The following SPOP variants were observed in gnomAD, a reference collection of about 807,000 sequenced individuals.
SPOP encodes the protein speckle-type POZ protein.
Under a neutral mutation model 45.6 loss-of-function variants are expected in SPOP, and 11 were observed. The ratio of observed to expected loss-of-function variants is 0.24; its 90% confidence interval spans 0.15 to 0.40. The LOEUF (loss-of-function observed/expected upper bound fraction) is 0.40, where lower values mean the gene tolerates loss of function less well. SPOP is among the 10% of genes least tolerant of loss of function. The pLI is 1.00. For synonymous variants in SPOP, 166 were observed against 166.3 expected (o/e 1.00, Z 0.01); for missense variants, 152 against 465.6 (o/e 0.33, Z 6.20).
At chr17:49,647,653 G>A (rs1000779754) in intron 1 of SPOP, among the ~76,000 whole-genome samples, 1 of 152,058 alleles carries the variant, frequency 6.6e-6, no homozygotes, top group Non-Finnish European at 1.5e-5. Flanking sequence ...GATAATTTCT[G>A]TATTTTTAGC....
chr17:49,676,143 T>C (rs1455747718), intron 1 of SPOP: 5 of 152,170 alleles, frequency 3.3e-5, no homozygotes, highest in East Asian at 3.8e-4. Flanking sequence ...AGTATGGACA[T>C]AGGAAACAGT....
chr17:49,673,593 A>G (rs2073164697), intron 1 of SPOP, among the ~76,000 whole-genome samples: 1 of 152,198 alleles, frequency 6.6e-6, no homozygotes. Flanking sequence ...TAAGTGATGG[A>G]TATAAAGGTG....
chr17:49,628,343 T>C (rs569931603), intron 1 of SPOP, among the ~76,000 whole-genome samples: 3 of 152,356 alleles, frequency 2.0e-5, no homozygotes, highest in South Asian at 4.1e-4. Context: ...AAAATATCTC[T>C]GTCAACTGTA....
At chr17:49,664,046 C>T (rs781468502) in intron 1 of SPOP, among the ~76,000 whole-genome samples, 2 of 152,166 alleles carry the variant, frequency 1.3e-5, no homozygotes, top group Non-Finnish European at 2.9e-5. Flanking sequence ...GCATGATATT[C>T]TAAAATCACA....
Position 49,600,297 on chromosome 17 carries a change from C to T in SPOP, c.*81G>A, listed in dbSNP as rs562382565. 25 of 1,567,072 alleles carry T rather than the reference C, an allele frequency of 1.6e-5. No homozygotes were observed. In the African/African-American group the frequency reaches 1.8e-4, roughly 11 times the overall value. ...AACAGAGTAAAAGCTCCACAGATTG[C>T]GCTGTCTACCTGGTGGTCAGTGGCA... On this transcript the variant is annotated 3_prime_UTR_variant, in exon 10 of 10. Transcript: ENST00000504102. The surrounding 1 kb of genome is among the most constrained non-coding windows in gnomAD (Gnocchi z 4.2).
chr17:49,677,520 TC>T (rs1305913478), intron 1 of SPOP, among the ~76,000 whole-genome samples: 1 of 152,246 alleles, frequency 6.6e-6, no homozygotes, highest in East Asian at 1.9e-4. Context: ...GGACTCGTGC[TC>T]CACCGGCTCT....
At chr17:49,664,467 T>G (rs1222591396) in intron 1 of SPOP, among the ~76,000 whole-genome samples, 2 of 152,224 alleles carry the variant, frequency 1.3e-5, no homozygotes, top group Non-Finnish European at 1.5e-5. Flanking sequence ...GGTTTATTAT[T>G]TTATAGTAAT....
At chr17:49,629,304 A>T in intron 1 of SPOP, among the ~76,000 whole-genome samples, 1 of 152,162 alleles carries the variant, frequency 6.6e-6, no homozygotes, top group Admixed American at 6.5e-5. Flanking sequence ...AAGTTCATTA[A>T]GTTTTCTGGT....
intron 1 of SPOP, among the ~76,000 whole-genome samples, chr17:49,644,927 TATAA>T (rs2072727205): frequency 6.6e-6 from 1 of 152,172 alleles, no homozygotes; most frequent in South Asian, 2.1e-4. Context: ...GAACTGAAAG[TATAA>T]ATAAATAAAA....
intron 1 of SPOP, among the ~76,000 whole-genome samples, chr17:49,668,890 C>T (rs1336257596): frequency 3.3e-5 from 5 of 151,976 alleles, no homozygotes; most frequent in African/African-American, 1.2e-4. Context: ...CATTCTCCTG[C>T]CTCAGCCTCC....
intron 1 of SPOP, among the ~76,000 whole-genome samples, chr17:49,627,144 C>T (rs1199390919): frequency 3.9e-5 from 6 of 152,156 alleles, no homozygotes; most frequent in African/African-American, 1.2e-4. Flanking sequence ...CCACCACGCC[C>T]GGCCAGGAAT....
rs1241629516 is a variant in SPOP, at chr17:49,599,088, A to T, written c.*1290T>A. 4.8e-6 allele frequency: 1 copy of T among 207,240 alleles called. No homozygotes were observed. Among genetic ancestry groups the T allele is most frequent in the East Asian group, 7.2e-5 (1 of 13,844 alleles). The allele number at this position is 207,240 out of a possible 1,614,324, so 12.8% of individuals were successfully genotyped here. A position where few individuals can be genotyped will look rare whatever the true frequency, so the allele number is the denominator to read the frequency against. On this transcript the variant is annotated 3_prime_UTR_variant, in exon 10 of 10. Coordinates refer to ENST00000504102, the MANE Select transcript of SPOP (RefSeq NM_001007228.2). The stretch of plus-strand genomic sequence containing the variant: ...GACTGTGAGATACTCAGGGAGGACA[A>T]GAGACTGGCAGATGCTGATAGCTCA...
At position 49,673,254 on chromosome 17, in the gene SPOP, C is replaced by T. The variant is rs905957591; in HGVS notation, c.-67+4679G>A. Among the ~76,000 whole-genome samples the T allele has an allele frequency of 5.3e-4, 81 of 152,114 alleles. 1 individual carries two copies. The highest frequency in any genetic ancestry group is 1.9e-3 in the African/African-American group (78 of 41,508). ...GGCACGGTGGCTCACGCCTGTAATC[C>T]CAGCACTTTGGGAGGCCAAGGTGGG... is the stretch of plus-strand genomic sequence containing the variant. On this transcript the variant is annotated intron_variant, in intron 1 of 9. Coordinates refer to ENST00000504102, the MANE Select transcript of SPOP (RefSeq NM_001007228.2).
At position 49,607,238 on chromosome 17, in the gene SPOP, T is replaced by C. The variant is rs370100540; in HGVS notation, c.837+12A>G. Reference sequence around the variant, plus strand: ...ACTCCTAGTCCTGATTATTTTTCTATTCTTATCTTACCTTGTCAGCAGCTG... The same window carrying C: ...ACTCCTAGTCCTGATTATTTTTCTACTCTTATCTTACCTTGTCAGCAGCTG... On this transcript the variant is annotated intron_variant, in intron 8 of 9. Coordinates refer to ENST00000504102, the MANE Select transcript of SPOP (RefSeq NM_001007228.2). 3.7e-6 allele frequency: 6 copies of C among 1,613,938 alleles called. No homozygotes were observed. The African/African-American group carries it at 6.7e-5, about 18-fold the overall frequency.
intron 1 of SPOP, among the ~76,000 whole-genome samples, chr17:49,672,601 A>G (rs905307512): frequency 6.6e-6 from 1 of 152,256 alleles, no homozygotes; most frequent in Non-Finnish European, 1.5e-5. Context: ...ATAACCAGAA[A>G]ATCCCATAAG....
In SPOP at chr17:49,638,817, G is replaced by A. The variant is rs191852747; in HGVS notation, c.-66-15941C>T. ...ACCTGAGGTCAGGAGTTCGAGACTA[G>A]CCTGGCCAATGTGGTAAAACCCTGT... On this transcript the variant is annotated intron_variant, in intron 1 of 9. Coordinates refer to ENST00000504102, the MANE Select transcript of SPOP (RefSeq NM_001007228.2). Among the ~76,000 whole-genome samples the A allele has an allele frequency of 4.1e-3, 622 of 152,262 alleles. 4 individuals carry two copies. The highest frequency in any genetic ancestry group is 6.2e-3 in the Non-Finnish European group (419 of 68,008).
chr17:49,665,068 G>A (rs930109336), intron 1 of SPOP, among the ~76,000 whole-genome samples: 1 of 151,882 alleles, frequency 6.6e-6, no homozygotes, highest in African/African-American at 2.4e-5. Context: ...ATAAAACTTC[G>A]ATGCTTTTAC....
chr17:49,606,753 C>T (rs781214555), intron 8 of SPOP, among the ~76,000 whole-genome samples: 8 of 151,982 alleles, frequency 5.3e-5, no homozygotes, highest in Non-Finnish European at 8.8e-5. Flanking sequence ...CCTCGGCCTC[C>T]GATAAGTGCT....
chr17:49,617,952 G>A (rs948831098), intron 5 of SPOP, among the ~76,000 whole-genome samples: 1 of 150,058 alleles, frequency 6.7e-6, no homozygotes, highest in Non-Finnish European at 1.5e-5. Flanking sequence ...AAGAAAGAAA[G>A]CAATACATAA....
Sources: allele counts gnomAD v4.1 joint callset (sites outside exome capture counted in the v4.1 genomes callset), GRCh38; gene constraint gnomAD v4.1.1; non-coding constraint Gnocchi (gnomAD v3.1); transcripts MANE v1.5; gene names NCBI Gene and HGNC (gene_info 2026-07-23, HGNC 2026-07-21).